The following TEAD3 variants were observed in gnomAD, a reference collection of about 807,000 sequenced individuals.
The protein encoded by TEAD3 is TEA domain transcription factor 3.
Under a neutral mutation model 55.6 loss-of-function variants are expected in TEAD3, and 15 were observed. The ratio of observed to expected loss-of-function variants is 0.27; its 90% confidence interval spans 0.18 to 0.42. The LOEUF (loss-of-function observed/expected upper bound fraction) is 0.42, where lower values mean the gene tolerates loss of function less well. Ranked by LOEUF, TEAD3 falls within the 10% of genes least tolerant of loss-of-function variation. TEAD3 has a pLI of 1.00. For synonymous variants in TEAD3, 210 were observed against 232.2 expected, an observed-to-expected ratio of 0.90 and a Z score of 0.87; for missense variants, 407 against 576.8, an observed-to-expected ratio of 0.71 and a Z score of 3.01.
intron 1 of TEAD3, among the ~76,000 whole-genome samples, chr6:35,495,820 C>G (rs1405294272): frequency 6.6e-6 from 1 of 152,222 alleles, no homozygotes; most frequent in African/African-American, 2.4e-5. Context: ...GAGCTGTGTC[C>G]AGCCCCTACC....
intron 3 of TEAD3, 174 bp downstream of exon 4, chr6:35,480,138 G>T (rs754157226): frequency 6.5e-7 from 1 of 1,548,310 alleles, no homozygotes; most frequent in South Asian, 1.2e-5. Flanking sequence ...GAGAGAGAAA[G>T]AAAGAGAAAA....
At chr6:35,477,650 G>A (rs1004063461) in intron 7 of TEAD3, among the ~76,000 whole-genome samples, 4 of 124,840 alleles carry the variant, frequency 3.2e-5, no homozygotes, top group South Asian at 4.9e-4. Context: ...TAAGCTGAGG[G>A]TCTTTTGATG....
chr6:35,478,549 G>T, exon 6 of TEAD3: 1 of 1,597,868 alleles, frequency 6.3e-7, no homozygotes. Flanking sequence ...GCTCTGAAGG[G>T]CTTTGTCCTT....
Position 35,486,289 on chromosome 6 carries a change from G to C in TEAD3, c.202+172C>G, listed in dbSNP as rs890051341. Among the ~76,000 whole-genome samples, 2 of 152,228 alleles carry C rather than the reference G, an allele frequency of 1.3e-5. No individual in the cohort carries two copies. Among genetic ancestry groups the C allele is most frequent in the Non-Finnish European group, 2.9e-5 (2 of 68,038 alleles). Reference sequence around the variant, plus strand: ...GGGCTGCGCCCTGGTTAGGGGGCGAGCCCGGCTTGTTTATGAGGAGGAGCG... The same window carrying C: ...GGGCTGCGCCCTGGTTAGGGGGCGACCCCGGCTTGTTTATGAGGAGGAGCG... On this transcript the variant is annotated intron_variant, in intron 2 of 12. Transcript: ENST00000639578. This position sits in a 1 kb window ranked among gnomAD's most constrained non-coding sequence, Gnocchi z 7.3.
In TEAD3 at chr6:35,475,443, G is replaced by A; in HGVS notation, c.1087C>T (p.His363Tyr). 1.9e-6 allele frequency: 3 copies of A among 1,613,934 alleles called. No homozygotes were observed. The highest frequency in any genetic ancestry group is 1.7e-6 in the Non-Finnish European group (2 of 1,179,908). ...ATGTACTCGCACATGGGCGAGCGGT[G>A]GATACGGTACACAAAGCGCCCGTTC... is the stretch of plus-strand genomic sequence containing the variant. The change falls in exon 12 of 13, where the codon CAC (histidine) becomes TAC (tyrosine). Residue 363 changes from histidine to tyrosine, a missense_variant. Transcript: ENST00000639578. This position sits in a 1 kb window ranked among gnomAD's most constrained non-coding sequence, Gnocchi z 5.4.
chr6:35,495,437 A>G (rs1027845517), intron 1 of TEAD3, among the ~76,000 whole-genome samples: 1 of 152,176 alleles, frequency 6.6e-6, no homozygotes, highest in African/African-American at 2.4e-5. Context: ...GGGTAGGGGA[A>G]GGCCCAAGAG....
intron 4 of TEAD3, chr6:35,479,993 G>A: frequency 2.2e-6 from 3 of 1,341,068 alleles, no homozygotes; most frequent in Non-Finnish European, 3.0e-6. Context: ...TGGAGCCACA[G>A]AGCAGCGACA....
At position 35,484,920 on chromosome 6, in the gene TEAD3, C is replaced by T. The variant is rs908509795; in HGVS notation, c.203-296G>A. Among the ~76,000 whole-genome samples, 2 of 152,180 alleles carry T rather than the reference C, an allele frequency of 1.3e-5. No individual in the cohort carries two copies. Among genetic ancestry groups the T allele is most frequent in the Admixed American group, 6.5e-5 (1 of 15,282 alleles). On this transcript the variant is annotated intron_variant, in intron 2 of 12. Transcript: ENST00000639578. The surrounding 1 kb of genome is among the most constrained non-coding windows in gnomAD (Gnocchi z 5.8). Reference sequence around the variant, plus strand: ...AGCACTAGGCACCCTGACAGGCTTCCCTGCAGACAGACCGGGTGGCTGTGG... The same window carrying T: ...AGCACTAGGCACCCTGACAGGCTTCTCTGCAGACAGACCGGGTGGCTGTGG...
chr6:35,476,353 C>T (rs373363437), exon 9 of TEAD3: 7 of 1,612,602 alleles, frequency 4.3e-6, no homozygotes, highest in Non-Finnish European at 2.5e-6. Flanking sequence ...CCAGGAGCCG[C>T]AGCCGGGAGG....
At chr6:35,490,315 G>T (rs1465232040) in intron 1 of TEAD3, among the ~76,000 whole-genome samples, 2 of 152,184 alleles carry the variant, frequency 1.3e-5, no homozygotes, top group Admixed American at 1.3e-4. Flanking sequence ...GGCGGCCCCT[G>T]GCTGGGACCG....
At position 35,496,014 on chromosome 6, in the gene TEAD3, G is replaced by C. The variant is rs778312822; in HGVS notation, c.-50+884C>G. On this transcript the variant is annotated intron_variant, in intron 1 of 12. Coordinates refer to ENST00000639578, the Ensembl canonical transcript of TEAD3. The surrounding 1 kb of genome is among the most constrained non-coding windows in gnomAD (Gnocchi z 4.8). ...CCCTCACCAGGAAAGTTGACAGAGC[G>C]GGGTCTCAATGACACTGCCCCAGGG... 3.3e-5 allele frequency among the ~76,000 whole-genome samples: 5 copies of C among 152,196 alleles called. No individual in the cohort carries two copies. Among genetic ancestry groups the C allele is most frequent in the African/African-American group, 7.2e-5 (3 of 41,448 alleles).
At position 35,484,030 on chromosome 6, in the gene TEAD3, T is replaced by C. The variant is rs1768316798; in HGVS notation, c.267+530A>G. 6.6e-6 allele frequency among the ~76,000 whole-genome samples: 1 copy of C among 152,188 alleles called. No individual in the cohort carries two copies. On this transcript the variant is annotated intron_variant, in intron 3 of 12. Transcript: ENST00000639578. The surrounding 1 kb of genome is among the most constrained non-coding windows in gnomAD (Gnocchi z 5.8). ...AAGGGTCTTCTCCCTTTTCTCTGCC[T>C]TGCGAACTCCCATTCCTTCTTAAAA...
At position 35,476,306 on chromosome 6, in the gene TEAD3, T is replaced by A. The variant is rs200154661; in HGVS notation, c.722A>T (p.Asp241Val). 988 of 1,611,838 alleles carry A rather than the reference T, an allele frequency of 6.1e-4. 4 individuals carry two copies. Among genetic ancestry groups the A allele is most frequent in the Non-Finnish European group, 7.5e-4 (882 of 1,179,670 alleles). ...CCTCACCCCCAAACACGTTACCGTGTCAGGGTCTCGCTGCACCTCCATGAA... is the reference window on the plus strand; with the variant it reads ...CCTCACCCCCAAACACGTTACCGTGACAGGGTCTCGCTGCACCTCCATGAA... Residue 241 changes from aspartate (D) to valine (V), a missense_variant, in exon 9 of 13, where the codon GAC (aspartate) becomes GTC (valine). Physicochemically the swap from Asp to Val is radical, Grantham distance 152. Coordinates refer to ENST00000639578, the Ensembl canonical transcript of TEAD3.
rs1006917434 is a variant in TEAD3 at position 35,488,750 on chromosome 6, G to A, written c.-49-2039C>T. Among the ~76,000 whole-genome samples the A allele has an allele frequency of 1.3e-5, 2 of 152,018 alleles. No individual in the cohort carries two copies. The highest frequency in any genetic ancestry group is 2.9e-5 in the Non-Finnish European group (2 of 68,024). On this transcript the variant is annotated intron_variant, in intron 1 of 12. Transcript: ENST00000639578. The surrounding 1 kb of genome is among the most constrained non-coding windows in gnomAD (Gnocchi z 4.2). ...ATTTGTTTTTTATTTTTTAGACGGA[G>A]TCTTGCTCTGTCGCCCAGGCTAGAG...
rs1768379201 is a variant in TEAD3, at chr6:35,486,323, G to A, written c.202+138C>T. ...GTTTATGAGGAGGAGCGCGGAGGAG[G>A]ATCCAGACACACAGGCTTGCGCGCC... On this transcript the variant is annotated intron_variant, in intron 2 of 12. Transcript: ENST00000639578. This position sits in a 1 kb window ranked among gnomAD's most constrained non-coding sequence, Gnocchi z 7.3. 4.8e-6 allele frequency: 5 copies of A among 1,034,874 alleles called. No homozygotes were observed. The highest frequency in any genetic ancestry group is 6.9e-6 in the Non-Finnish European group (5 of 723,818). 64.1% of individuals were successfully genotyped at this position (1,034,874 alleles called of 1,614,324 possible). A position where few individuals can be genotyped will look rare whatever the true frequency, so the allele number is the denominator to read the frequency against.
chr6:35,493,918 G>GTGA (rs1354824966), intron 1 of TEAD3, among the ~76,000 whole-genome samples: 21 of 152,304 alleles, frequency 1.4e-4, no homozygotes, highest in African/African-American at 4.6e-4. Flanking sequence ...CACATCCTGG[G>GTGA]TGATGCCCTG....
chr6:35,487,496 G>A (rs1163685066), intron 1 of TEAD3, among the ~76,000 whole-genome samples: 6 of 145,120 alleles, frequency 4.1e-5, no homozygotes, highest in Non-Finnish European at 5.9e-5. Context: ...AGGTTGCAGT[G>A]AGCCGAGATC....
At chr6:35,493,050 T>A (rs1458195951) in intron 1 of TEAD3, among the ~76,000 whole-genome samples, 1 of 152,152 alleles carries the variant, frequency 6.6e-6, no homozygotes, top group Non-Finnish European at 1.5e-5. Flanking sequence ...AGTGCCCTCA[T>A]GAGAGTCACG....
At chr6:35,493,374 C>T (rs1049434319) in intron 1 of TEAD3, among the ~76,000 whole-genome samples, 2 of 152,168 alleles carry the variant, frequency 1.3e-5, no homozygotes, top group African/African-American at 4.8e-5. Context: ...GCCTCCTACA[C>T]GCCCTGCCTG....
Sources: gnomAD v4.1 joint callset for allele counts (sites outside exome capture counted in the v4.1 genomes callset) on GRCh38, gnomAD v4.1.1 for gene constraint, Gnocchi (gnomAD v3.1) non-coding constraint, MANE v1.5 for transcripts, NCBI Gene and HGNC (gene_info 2026-07-23, HGNC 2026-07-21) for gene names.